The following EYA4 variants were observed in gnomAD, a reference collection of about 807,000 sequenced individuals.
EYA4 encodes the protein protein phosphatase EYA4.
A neutral mutation model predicts 87.9 loss-of-function variants in EYA4; 31 were observed. The ratio of observed to expected loss-of-function variants is 0.35; its 90% CI spans 0.27 to 0.48. EYA4 has a LOEUF of 0.48. EYA4 is among the 20% of genes least tolerant of loss of function. The pLI, the probability that EYA4 is intolerant of heterozygous loss-of-function variation, is 0.99. For missense variants in EYA4, 678 were observed against 761.4 expected (o/e 0.89, Z 1.29); for synonymous variants, 263 against 270.6 (o/e 0.97, Z 0.28).
intron 19 of EYA4, among the ~76,000 whole-genome samples, chr6:133,525,563 A>T (rs1270848151): frequency 6.6e-6 from 1 of 152,180 alleles, no homozygotes; most frequent in Admixed American, 6.6e-5. Flanking sequence ...ATGCTTATAT[A>T]GATGCATATG....
chr6:133,470,040 T>C (rs1215768720), intron 11 of EYA4, among the ~76,000 whole-genome samples: 2 of 150,834 alleles, frequency 1.3e-5, no homozygotes, highest in East Asian at 3.9e-4. Flanking sequence ...TGTTGTAGGT[T>C]GCCTGTTCAC....
intron 2 of EYA4, among the ~76,000 whole-genome samples, chr6:133,304,141 A>G (rs1582900645): frequency 3.3e-5 from 5 of 152,178 alleles, no homozygotes; most frequent in Admixed American, 6.5e-5. Context: ...TTAAACACAT[A>G]AAACTTCCTA....
intron 14 of EYA4, among the ~76,000 whole-genome samples, chr6:133,510,223 T>A (rs1214313677): frequency 1.3e-5 from 2 of 152,212 alleles, no homozygotes; most frequent in African/African-American, 4.8e-5. Flanking sequence ...AATAGAGAAA[T>A]AACTTCTGAT....
At chr6:133,284,996 TTTTG>T (rs1290243443) in intron 2 of EYA4, among the ~76,000 whole-genome samples, 1 of 151,192 alleles carries the variant, frequency 6.6e-6, no homozygotes, top group Non-Finnish European at 1.5e-5. Context: ...TTGTTTTTTT[TTTTG>T]TTTGTTTGTT....
At chr6:133,335,962 A>T (rs1044668182) in intron 2 of EYA4, among the ~76,000 whole-genome samples, 5 of 152,230 alleles carry the variant, frequency 3.3e-5, no homozygotes, top group African/African-American at 1.2e-4. Context: ...TTAATAAAGG[A>T]TAAAACATAA....
chr6:133,463,403 A>T (rs944835388), intron 9 of EYA4, among the ~76,000 whole-genome samples: 1 of 132,522 alleles, frequency 7.5e-6, no homozygotes, highest in Non-Finnish European at 1.5e-5. Context: ...TCTGTTGCCC[A>T]GGCTGGAGTG....
chr6:133,255,710 C>G (rs1775284467), intron 1 of EYA4, among the ~76,000 whole-genome samples: 11 of 151,844 alleles, frequency 7.2e-5, no homozygotes, highest in Admixed American at 7.2e-4. Context: ...TTAAAACTTG[C>G]TTTTGATCTG....
chr6:133,427,876 CTGTTA>C (rs202202242), intron 3 of EYA4, among the ~76,000 whole-genome samples: 8,756 of 148,136 alleles, frequency 0.059, 743 homozygotes, highest in African/African-American at 0.19. Flanking sequence ...AACTAAGATT[CTGTTA>C]TAAGTATAGC....
At chr6:133,513,556 A>C (rs1389752476) in intron 16 of EYA4, among the ~76,000 whole-genome samples, 2 of 152,194 alleles carry the variant, frequency 1.3e-5, no homozygotes, top group Admixed American at 6.5e-5. Context: ...ATTCTCATGC[A>C]TAGTGTCAAC....
chr6:133,395,766 TTAAAA>T (rs1003927131), intron 3 of EYA4, among the ~76,000 whole-genome samples: 6 of 151,992 alleles, frequency 3.9e-5, no homozygotes, highest in Non-Finnish European at 8.8e-5. Flanking sequence ...GTCTAAAAAA[TTAAAA>T]TAAAATAAAA....
chr6:133,313,539 A>G (rs1334764385), intron 2 of EYA4, among the ~76,000 whole-genome samples: 12 of 152,228 alleles, frequency 7.9e-5, no homozygotes, highest in Admixed American at 7.9e-4. Flanking sequence ...TTTAGATACT[A>G]ATTAGGATAA....
intron 1 of EYA4, among the ~76,000 whole-genome samples, chr6:133,252,640 G>A (rs1647839326): frequency 5.3e-5 from 8 of 152,124 alleles, no homozygotes; most frequent in Admixed American, 5.2e-4. Flanking sequence ...CACATAAAGT[G>A]AGAGAGGATA....
At chr6:133,455,557 T>C (rs1793828109) in intron 5 of EYA4, among the ~76,000 whole-genome samples, 1 of 152,174 alleles carries the variant, frequency 6.6e-6, no homozygotes, top group Admixed American at 6.6e-5. Context: ...TACTGACTTG[T>C]GTGATTGGTG....
intron 2 of EYA4, among the ~76,000 whole-genome samples, chr6:133,357,430 A>C (rs1214981787): frequency 2.0e-5 from 3 of 152,228 alleles, no homozygotes; most frequent in Admixed American, 1.3e-4. Flanking sequence ...TTGTTGAAGT[A>C]GCAAAATGAA....
intron 2 of EYA4, among the ~76,000 whole-genome samples, chr6:133,284,602 T>C (rs898912239): frequency 6.6e-6 from 1 of 152,250 alleles, no homozygotes; most frequent in Non-Finnish European, 1.5e-5. Flanking sequence ...TTTGCTATAC[T>C]AGGGATTAAA....
intron 3 of EYA4, among the ~76,000 whole-genome samples, chr6:133,431,965 G>A (rs1041202583): frequency 1.8e-4 from 21 of 119,010 alleles, no homozygotes; most frequent in East Asian, 4.7e-4. Flanking sequence ...TTTTTTTTTT[G>A]CCAATATCTT....
At chr6:133,520,169 C>CAT (rs1799984797) in intron 17 of EYA4, among the ~76,000 whole-genome samples, 1 of 151,990 alleles carries the variant, frequency 6.6e-6, no homozygotes, top group South Asian at 2.1e-4. Flanking sequence ...AAAGGGTATT[C>CAT]AATTAGGAAA....
chr6:133,339,997 C>T (rs1247922985), intron 2 of EYA4, among the ~76,000 whole-genome samples: 1 of 152,018 alleles, frequency 6.6e-6, no homozygotes. Flanking sequence ...GAAGAGTGCT[C>T]CTGGGCTTGA....
At chr6:133,309,864 T>G (rs1780085001) in intron 2 of EYA4, among the ~76,000 whole-genome samples, 1 of 152,200 alleles carries the variant, frequency 6.6e-6, no homozygotes, top group African/African-American at 2.4e-5. Context: ...TGAAACAGTA[T>G]TCTGTCCTGA....
Sources: gnomAD v4.1 joint callset for allele counts (sites outside exome capture counted in the v4.1 genomes callset) on GRCh38, gnomAD v4.1.1 for gene constraint, MANE v1.5 for transcripts, NCBI Gene and HGNC (gene_info 2026-07-23, HGNC 2026-07-21) for gene names.